Variants in CA10 observed in about 807,000 individuals in gnomAD.
CA10 encodes carbonic anhydrase 10 (inactive).
Under a neutral mutation model 44.2 loss-of-function variants are expected in CA10, and 14 were observed. The observed-to-expected ratio is 0.32, with a 90% confidence interval of 0.21 to 0.50. The LOEUF is 0.50. CA10 is among the 20% of genes least tolerant of loss of function. The probability of loss-of-function intolerance (pLI) is 0.99; values close to 1 mark genes in which losing one functional copy is unlikely to be tolerated. For synonymous variants in CA10, 159 were observed against 141.6 expected (o/e 1.12, Z -0.87); for missense variants, 350 against 409.7 (o/e 0.85, Z 1.26).
At chr17:51,830,667 G>A (rs894350532) in intron 3 of CA10, among the ~76,000 whole-genome samples, 2 of 152,172 alleles carry the variant, frequency 1.3e-5, no homozygotes, top group Admixed American at 1.3e-4. Context: ...CAGCAAAGAG[G>A]CCAACATGCA....
At chr17:51,920,176 C>T (rs566440104) in intron 3 of CA10, among the ~76,000 whole-genome samples, 4 of 152,276 alleles carry the variant, frequency 2.6e-5, no homozygotes, top group African/African-American at 4.8e-5. Context: ...AGTACCGTCA[C>T]TAAAATTGTA....
intron 4 of CA10, among the ~76,000 whole-genome samples, chr17:51,741,394 G>A (rs181357564): frequency 2.6e-5 from 4 of 152,316 alleles, no homozygotes; most frequent in African/African-American, 7.2e-5. Context: ...TCCAGAACAT[G>A]TCTTAGTAGT....
intron 3 of CA10, among the ~76,000 whole-genome samples, chr17:51,906,198 T>C (rs1056310564): frequency 1.3e-5 from 2 of 152,160 alleles, no homozygotes; most frequent in Admixed American, 6.5e-5. Context: ...CTCCCTTTTA[T>C]GTCAAAAAAT....
chr17:51,782,799 T>C (rs975891472), intron 3 of CA10, among the ~76,000 whole-genome samples: 1 of 152,128 alleles, frequency 6.6e-6, no homozygotes, highest in Non-Finnish European at 1.5e-5. Flanking sequence ...ATCCTGAGTA[T>C]GTGATAGCAA....
In CA10 at chr17:51,719,476, A is replaced by C. The variant is rs550072348; in HGVS notation, c.465+28157T>G. On this transcript the variant is annotated intron_variant, in intron 4 of 8. Coordinates refer to ENST00000451037, the MANE Select transcript of CA10 (RefSeq NM_020178.5). ...AAATTTGGGACACAGCAGGTCTCAG[A>C]AAATGTTTTTGGCATGTTTACAAAT... 7.2e-5 allele frequency among the ~76,000 whole-genome samples: 11 copies of C among 152,336 alleles called. No individual in the cohort carries two copies. In the East Asian group the frequency reaches 1.2e-3, roughly 16 times the overall value.
intron 3 of CA10, among the ~76,000 whole-genome samples, chr17:51,774,016 C>T: frequency 6.6e-6 from 1 of 152,216 alleles, no homozygotes; most frequent in East Asian, 1.9e-4. Context: ...CTCTTCTCTC[C>T]TTCTAAGGAG....
chr17:52,094,929 C>A (rs184733077), intron 1 of CA10, among the ~76,000 whole-genome samples: 1 of 152,242 alleles, frequency 6.6e-6, no homozygotes. Context: ...ATAAAAACTA[C>A]AAATTTCATC....
chr17:51,685,627 G>A (rs1473694646), intron 4 of CA10, among the ~76,000 whole-genome samples: 1 of 152,160 alleles, frequency 6.6e-6, no homozygotes, highest in East Asian at 1.9e-4. Context: ...GTTTAATGTG[G>A]ACAAATGTAA....
At chr17:51,808,342 CCT>C (rs1270968775) in intron 3 of CA10, among the ~76,000 whole-genome samples, 1 of 152,120 alleles carries the variant, frequency 6.6e-6, no homozygotes, top group Non-Finnish European at 1.5e-5. Context: ...CTTCTGAAAT[CCT>C]CTTTCTCTGA....
chr17:51,830,617 G>T (rs1375219920), intron 3 of CA10, among the ~76,000 whole-genome samples: 1 of 152,154 alleles, frequency 6.6e-6, no homozygotes, highest in Non-Finnish European at 1.5e-5. Context: ...CAGGGTCAGG[G>T]CCCAAGTGTT....
intron 2 of CA10, among the ~76,000 whole-genome samples, chr17:51,933,162 T>G (rs1312501514): frequency 6.6e-6 from 1 of 152,150 alleles, no homozygotes; most frequent in African/African-American, 2.4e-5. Flanking sequence ...CCACCAATGA[T>G]GTTTACTATC....
chr17:52,068,415 G>A (rs189828257), intron 2 of CA10, among the ~76,000 whole-genome samples: 56 of 152,286 alleles, frequency 3.7e-4, no homozygotes, highest in Non-Finnish European at 7.2e-4. Flanking sequence ...AAGTTACCCG[G>A]TCTCAGGCAG....
At chr17:51,823,626 T>C (rs1245232623) in intron 3 of CA10, among the ~76,000 whole-genome samples, 1 of 152,220 alleles carries the variant, frequency 6.6e-6, no homozygotes, top group African/African-American at 2.4e-5. Context: ...GAGACCTTCA[T>C]GCTCCCACAG....
chr17:51,972,525 C>T (rs138506190), intron 2 of CA10, among the ~76,000 whole-genome samples: 3 of 151,802 alleles, frequency 2.0e-5, no homozygotes, highest in African/African-American at 4.8e-5. Context: ...TATAGAGATT[C>T]GTAAGACTCC....
intron 3 of CA10, among the ~76,000 whole-genome samples, chr17:51,869,127 A>C (rs1979691625): frequency 6.6e-6 from 1 of 152,152 alleles, no homozygotes; most frequent in Non-Finnish European, 1.5e-5. Flanking sequence ...GTCAAACTCC[A>C]ATAGAAAAAG....
At chr17:51,696,083 A>AT (rs1915393972) in intron 4 of CA10, among the ~76,000 whole-genome samples, 2 of 152,074 alleles carry the variant, frequency 1.3e-5, no homozygotes, top group African/African-American at 4.8e-5. Context: ...TTCGTTGCAG[A>AT]TTTTTACATC....
intron 3 of CA10, among the ~76,000 whole-genome samples, chr17:51,915,184 T>TA (rs1466254381): frequency 1.3e-5 from 2 of 152,196 alleles, no homozygotes; most frequent in African/African-American, 4.8e-5. Flanking sequence ...ATGCACATCT[T>TA]ATGCCTCATA....
chr17:51,697,087 A>T (rs555180394), intron 4 of CA10, among the ~76,000 whole-genome samples: 1 of 127,330 alleles, frequency 7.9e-6, no homozygotes, highest in Non-Finnish European at 1.5e-5. Context: ...AACGTAATGA[A>T]AAAAAAAAAA....
At chr17:51,901,191 C>T (rs566088680) in intron 3 of CA10, among the ~76,000 whole-genome samples, 5 of 151,960 alleles carry the variant, frequency 3.3e-5, no homozygotes, top group Admixed American at 6.6e-5. Context: ...GATTTCATTG[C>T]TTTTTTTTCC....
Sources: gnomAD v4.1 joint callset for allele counts (sites outside exome capture counted in the v4.1 genomes callset) on GRCh38, gnomAD v4.1.1 for gene constraint, MANE v1.5 for transcripts, NCBI Gene and HGNC (gene_info 2026-07-23, HGNC 2026-07-21) for gene names.